Variants in TRPS1 observed in about 807,000 individuals in gnomAD.
The protein encoded by TRPS1 is transcriptional repressor GATA binding 1.
In TRPS1, 6 loss-of-function variants were observed where a neutral mutation model predicts 101.2. The observed-to-expected ratio is 0.06, with a 90% CI of 0.03 to 0.12. The LOEUF (loss-of-function observed/expected upper bound fraction) is 0.12, where lower values mean the gene tolerates loss of function less well. Ranked by LOEUF, TRPS1 falls within the 10% of genes least tolerant of loss-of-function variation. The pLI is 1.00. For synonymous variants in TRPS1, 578 were observed against 589.8 expected, an observed-to-expected ratio of 0.98 and a Z score of 0.29; for missense variants, 1,363 against 1,567.0, an observed-to-expected ratio of 0.87 and a Z score of 2.20.
At chr8:115,656,876 G>A (rs896751150) in intron 1 of TRPS1, among the ~76,000 whole-genome samples, 5 of 151,964 alleles carry the variant, frequency 3.3e-5, no homozygotes, top group East Asian at 1.9e-4. Context: ...AGAAAACCCC[G>A]AAAAGATAAA....
At chr8:115,657,294 C>A (rs1045300276) in intron 1 of TRPS1, among the ~76,000 whole-genome samples, 3 of 152,088 alleles carry the variant, frequency 2.0e-5, no homozygotes, top group Non-Finnish European at 4.4e-5. Flanking sequence ...ATATTCATGT[C>A]GTAGCTCCTA....
chr8:115,594,287 C>T (rs1165141226), intron 4 of TRPS1, among the ~76,000 whole-genome samples: 6 of 152,054 alleles, frequency 3.9e-5, no homozygotes, highest in Non-Finnish European at 7.4e-5. Context: ...TGACAGCAAA[C>T]ACTGTCTTCA....
At chr8:115,452,242 G>A (rs932742586) in intron 5 of TRPS1, among the ~76,000 whole-genome samples, 2 of 152,084 alleles carry the variant, frequency 1.3e-5, no homozygotes, top group African/African-American at 4.8e-5. Flanking sequence ...GCAGAAGACA[G>A]GAAATACTAG....
In TRPS1 at chr8:115,461,251, GGATAGATA is replaced by G. The variant is rs67435707; in HGVS notation, c.2701-42807_2701-42800del. ...GACAGATGGAAAGATAAATAGACAAGGATAGATAGATAGATAGATAGATAGATAGATAG... is the reference window on the plus strand; with the variant it reads ...GACAGATGGAAAGATAAATAGACAAGGATAGATAGATAGATAGATAGATAG... On this transcript the variant is annotated intron_variant, in intron 5 of 6. Coordinates refer to ENST00000395715, the MANE Select transcript of TRPS1 (RefSeq NM_014112.5). Among the ~76,000 whole-genome samples the G allele has an allele frequency of 5.8e-3, 841 of 144,794 alleles. 4 individuals carry two copies. Among genetic ancestry groups the G allele is most frequent in the Non-Finnish European group, 7.4e-3 (487 of 65,992 alleles). The allele number at this position is 144,794 out of a possible 152,430, so 95.0% of individuals were successfully genotyped here.
intron 2 of TRPS1, among the ~76,000 whole-genome samples, chr8:115,623,042 AC>A (rs1182320158): frequency 6.6e-6 from 1 of 152,154 alleles, no homozygotes; most frequent in African/African-American, 2.4e-5. Context: ...TAGTTTAAAG[AC>A]TACTCAACCA....
chr8:115,560,416 A>C (rs1323146873), intron 5 of TRPS1, among the ~76,000 whole-genome samples: 1 of 152,064 alleles, frequency 6.6e-6, no homozygotes, highest in African/African-American at 2.4e-5. Context: ...AAATCATAAC[A>C]ACCACGTTGC....
At chr8:115,498,128 A>G (rs1283274095) in intron 5 of TRPS1, among the ~76,000 whole-genome samples, 2 of 152,100 alleles carry the variant, frequency 1.3e-5, no homozygotes, top group African/African-American at 2.4e-5. Context: ...CTGTCATCCC[A>G]GCACTTTGGG....
At chr8:115,440,031 T>C (rs1813551564) in intron 5 of TRPS1, among the ~76,000 whole-genome samples, 1 of 152,248 alleles carries the variant, frequency 6.6e-6, no homozygotes, top group Admixed American at 6.5e-5. Flanking sequence ...TGTCCTCTCA[T>C]AATTGCCACA....
intron 5 of TRPS1, among the ~76,000 whole-genome samples, chr8:115,420,876 C>T (rs149896082): frequency 2.9e-3 from 435 of 152,274 alleles, no homozygotes; most frequent in Non-Finnish European, 5.3e-3. Flanking sequence ...GGTGCCAGAA[C>T]ACTGATATTC....
At chr8:115,575,366 C>T (rs1027795822) in intron 5 of TRPS1, among the ~76,000 whole-genome samples, 3 of 152,006 alleles carry the variant, frequency 2.0e-5, no homozygotes, top group African/African-American at 7.2e-5. Context: ...TAATAATAAA[C>T]ATACAAATCT....
At chr8:115,489,632 A>G (rs1363088175) in intron 5 of TRPS1, among the ~76,000 whole-genome samples, 1 of 152,158 alleles carries the variant, frequency 6.6e-6, no homozygotes, top group Admixed American at 6.5e-5. Context: ...TTTCAAAGCA[A>G]AGAGTGGCTT....
chr8:115,544,864 G>T (rs1180659005), intron 5 of TRPS1, among the ~76,000 whole-genome samples: 2 of 141,672 alleles, frequency 1.4e-5, no homozygotes, highest in Non-Finnish European at 3.0e-5. Flanking sequence ...AGGAGGAGAA[G>T]AAGGTGGAGG....
At chr8:115,545,418 AATATT>A (rs1816547128) in intron 5 of TRPS1, among the ~76,000 whole-genome samples, 1 of 152,140 alleles carries the variant, frequency 6.6e-6, no homozygotes, top group African/African-American at 2.4e-5. Flanking sequence ...TGTTTTCTTA[AATATT>A]CTCTCTAATT....
chr8:115,491,710 A>T (rs967458793), intron 5 of TRPS1, among the ~76,000 whole-genome samples: 1 of 152,072 alleles, frequency 6.6e-6, no homozygotes, highest in Non-Finnish European at 1.5e-5. Flanking sequence ...AGAGAGAGAG[A>T]AAGCAAGCAA....
At chr8:115,539,763 T>C (rs1816407073) in intron 5 of TRPS1, among the ~76,000 whole-genome samples, 1 of 152,228 alleles carries the variant, frequency 6.6e-6, no homozygotes, top group South Asian at 2.1e-4. Context: ...GAGGCCGAGA[T>C]AGTAGGATTG....
chr8:115,477,006 T>C (rs1346687366), intron 5 of TRPS1, among the ~76,000 whole-genome samples: 1 of 152,202 alleles, frequency 6.6e-6, no homozygotes, highest in Non-Finnish European at 1.5e-5. Context: ...CACTTCAATT[T>C]TATAGCCTTC....
intron 5 of TRPS1, among the ~76,000 whole-genome samples, chr8:115,498,415 C>CTCTATATATA (rs1486361297): frequency 5.6e-4 from 22 of 39,314 alleles, no homozygotes; most frequent in Non-Finnish European, 8.8e-4. Context: ...CTCTCTCTCT[C>CTCTATATATA]TATATATATA....
chr8:115,524,099 T>C (rs558513812), intron 5 of TRPS1, among the ~76,000 whole-genome samples: 2 of 152,240 alleles, frequency 1.3e-5, no homozygotes, highest in South Asian at 2.1e-4. Flanking sequence ...ATTTCTATGA[T>C]AGTGTTATTA....
intron 5 of TRPS1, among the ~76,000 whole-genome samples, chr8:115,535,318 TATATAGAGC>T (rs1229491326): frequency 1.4e-5 from 2 of 144,238 alleles, no homozygotes; most frequent in African/African-American, 5.2e-5. Context: ...ATATATAGCA[TATATAGAGC>T]ATATATAGCG....
Sources: allele counts gnomAD v4.1 joint callset (sites outside exome capture counted in the v4.1 genomes callset), GRCh38; gene constraint gnomAD v4.1.1; transcripts MANE v1.5; gene names NCBI Gene and HGNC (gene_info 2026-07-23, HGNC 2026-07-21).